The following ZNF207 variants were observed in gnomAD, a reference collection of about 807,000 sequenced individuals.
ZNF207 encodes BUB3-interacting and GLEBS motif-containing protein ZNF207.
A neutral mutation model predicts 60.2 loss-of-function variants in ZNF207; 24 were observed. The observed-to-expected ratio is 0.40, with a 90% CI of 0.29 to 0.56. The LOEUF (loss-of-function observed/expected upper bound fraction) is 0.56. Ranked by LOEUF, ZNF207 falls within the 20% of genes least tolerant of loss-of-function variation. The probability of loss-of-function intolerance (pLI) is 0.49; values close to 1 mark genes in which losing one functional copy is unlikely to be tolerated. For missense variants in ZNF207, 452 were observed against 636.6 expected, an observed-to-expected ratio of 0.71 and a Z score of 3.12; for synonymous variants, 236 against 194.7, an observed-to-expected ratio of 1.21 and a Z score of -1.77.
At chr17:32,351,124 T>C (rs977652525) in intron 1 of ZNF207, 2 of 161,180 alleles carry the variant, frequency 1.2e-5, no homozygotes, top group Non-Finnish European at 2.7e-5. Context: ...GTTTTAAAAA[T>C]AGCTTAAATA....
At chr17:32,367,239 TTATA>T (rs10525886) in intron 9 of ZNF207, among the ~76,000 whole-genome samples, 528 of 32,084 alleles carry the variant, frequency 0.016, 4 homozygotes, top group East Asian at 0.039. Flanking sequence ...TTGGAGGGGA[TTATA>T]TATATATATA....
chr17:32,380,541 T>G lies in ZNF207; in HGVS notation c.*10782T>G, dbSNP rs1185138036. ...TGATGGCTTTCAGTTTATTTAAGTC[T>G]TCTGTTTTTCAGCTCCAGTTAAAAC... is the stretch of plus-strand genomic sequence containing the variant. On this transcript the variant is annotated 3_prime_UTR_variant, in exon 12 of 12. Coordinates refer to ENST00000394670, the MANE Select transcript of ZNF207 (RefSeq NM_001098507.2). The G allele has an allele frequency of 1.3e-5, 2 of 152,238 alleles. No homozygotes were observed. The highest frequency in any genetic ancestry group is 2.9e-5 in the Non-Finnish European group (2 of 68,040). 9.4% of individuals were successfully genotyped at this position (152,238 alleles called of 1,614,324 possible).
chr17:32,366,521 TGCCTGCCTTTTAAAA>T, intron 8 of ZNF207, 129 bp from the exon 9 acceptor site: 2 of 516,810 alleles, frequency 3.9e-6, no homozygotes. Context: ...ATGCATTAAC[TGCCTGCCTTTTAAAA>T]TAAGTGACAT....
At chr17:32,360,524 T>C (rs1904809852) in intron 3 of ZNF207, 74 bp from the exon 4 acceptor site, 3 of 1,390,324 alleles carry the variant, frequency 2.2e-6, no homozygotes, top group Admixed American at 2.5e-5. Context: ...CATATATGTA[T>C]TTTTAAATAT....
Position 32,369,752 on chromosome 17 carries a change from G to A in ZNF207, c.1478G>A (p.Arg493His), listed in dbSNP as rs755840760. 1.0e-5 allele frequency: 16 copies of A among 1,530,346 alleles called. No individual in the cohort carries two copies. The highest frequency in any genetic ancestry group is 2.2e-5 in the Admixed American group (1 of 45,922). The allele number at this position is 1,530,346 out of a possible 1,614,324, so 94.8% of individuals were successfully genotyped here. ...MRPPVMSQGG[R>H]Y ...CCTCCTGTAATGTCGCAAGGTGGCC[G>A]TTACTGATCTTACTTCATCCAGTCT... Residue 493 changes from arginine to histidine, a missense_variant, in exon 12 of 12, where the codon CGT (arginine) becomes CAT (histidine). Physicochemically the swap from Arg to His is conservative, Grantham distance 29. Transcript: ENST00000394670.
intron 1 of ZNF207, chr17:32,351,327 T>A: frequency 2.0e-6 from 1 of 499,694 alleles, no homozygotes; most frequent in African/African-American, 2.1e-5. Context: ...GTGATTATTG[T>A]TCACCATATA....
rs1905552858 is a variant in ZNF207, at chr17:32,373,432, G to T, written c.*3673G>T. On this transcript the variant is annotated 3_prime_UTR_variant, in exon 12 of 12. Coordinates refer to ENST00000394670, the MANE Select transcript of ZNF207 (RefSeq NM_001098507.2). ...TAGGACAGGCTGAGGCTGAGTCTCA[G>T]TGTTGCCCTGTTCAGTCTGAGGCAA... The T allele has an allele frequency of 2.9e-6, 2 of 682,506 alleles. No individual in the cohort carries two copies. The highest frequency in any genetic ancestry group is 2.1e-5 in the Admixed American group (1 of 48,176). The allele number at this position is 682,506 out of a possible 1,614,324, so 42.3% of individuals were successfully genotyped here.
rs1418564283 is a variant in ZNF207, at chr17:32,376,607, A to G, written c.*6848A>G. On this transcript the variant is annotated 3_prime_UTR_variant, in exon 12 of 12. Transcript: ENST00000394670. ...GAGGCAGAAATTTGTAGCCCAAACA[A>G]GGTAGGTCTTCGCTGAAACTAATTT... is the stretch of plus-strand genomic sequence containing the variant. 6.6e-6 allele frequency: 1 copy of G among 152,050 alleles called. No homozygotes were observed. Among genetic ancestry groups the G allele is most frequent in the Non-Finnish European group, 1.5e-5 (1 of 67,898 alleles). The allele number at this position is 152,050 out of a possible 1,614,324, so 9.4% of individuals were successfully genotyped here.
At chr17:32,350,499 G>A (rs1014398135) in intron 1 of ZNF207, 173 bp downstream of exon 1, 2 of 778,036 alleles carry the variant, frequency 2.6e-6, no homozygotes, top group Non-Finnish European at 4.2e-6. Context: ...ATGGGGTTCC[G>A]AGGTCGACAG....
rs964858490 is a variant in ZNF207 at position 32,369,939 on chromosome 17, C to T, written c.*180C>T. 9 of 707,518 alleles carry T rather than the reference C, an allele frequency of 1.3e-5. No homozygotes were observed. Among genetic ancestry groups the T allele is most frequent in the Non-Finnish European group, 1.6e-5 (8 of 507,852 alleles). 43.8% of individuals were successfully genotyped at this position (707,518 alleles called of 1,614,324 possible). On this transcript the variant is annotated 3_prime_UTR_variant, in exon 12 of 12. Transcript: ENST00000394670. ...GGAAAAATTATTTGGAATAATAAAG[C>T]AGGAACTTTTCCTGAAGTTGCAATT...
At chr17:32,354,187 A>G (rs1904364210) in intron 2 of ZNF207, among the ~76,000 whole-genome samples, 1 of 152,142 alleles carries the variant, frequency 6.6e-6, no homozygotes, top group Admixed American at 6.6e-5. Flanking sequence ...ACTATGTTGC[A>G]CAGGCTGGTC....
In ZNF207 at chr17:32,379,952, G is replaced by C. The variant is rs537129785; in HGVS notation, c.*10193G>C. On this transcript the variant is annotated 3_prime_UTR_variant, in exon 12 of 12. Coordinates refer to ENST00000394670, the MANE Select transcript of ZNF207 (RefSeq NM_001098507.2). ...TATGCTAAGAATGTTTTTACATTCT[G>C]TTTCCTCCTGTGATCTTTCTGAACC... 3 of 152,100 alleles carry C rather than the reference G, an allele frequency of 2.0e-5. No individual in the cohort carries two copies. The highest frequency in any genetic ancestry group is 4.4e-5 in the Non-Finnish European group (3 of 67,976). 9.4% of individuals were successfully genotyped at this position (152,100 alleles called of 1,614,324 possible). A position where few individuals can be genotyped will look rare whatever the true frequency, so the allele number is the denominator to read the frequency against.
intron 2 of ZNF207, among the ~76,000 whole-genome samples, 189 bp from the exon 3 acceptor site, chr17:32,358,314 G>C (rs1200964208): frequency 1.3e-5 from 2 of 152,162 alleles, no homozygotes; most frequent in African/African-American, 4.8e-5. Flanking sequence ...CTATTATATA[G>C]GTGAAGTAAA....
intron 2 of ZNF207, among the ~76,000 whole-genome samples, chr17:32,355,812 T>A (rs898398775): frequency 6.6e-6 from 1 of 152,214 alleles, no homozygotes; most frequent in Non-Finnish European, 1.5e-5. Context: ...GTTATTTAAC[T>A]GAGTCAAATG....
chr17:32,367,931 G>C lies in ZNF207; in HGVS notation c.1081G>C (p.Ala361Pro). ...AAATAGTACTGCAGCTAAACCAGCG[G>C]CTTCAATAACAAGTAAGCCTGCTAC... is the stretch of plus-strand genomic sequence containing the variant. ...TTNSTAAKPA[A>P]SITSKPATLT... The change falls in exon 10 of 12, where the codon GCT (alanine) becomes CCT (proline). Residue 361 changes from alanine (A) to proline (P), a missense_variant. Coordinates refer to ENST00000394670, the MANE Select transcript of ZNF207 (RefSeq NM_001098507.2). 3.1e-6 allele frequency: 5 copies of C among 1,614,126 alleles called. No homozygotes were observed. The highest frequency in any genetic ancestry group is 4.2e-6 in the Non-Finnish European group (5 of 1,180,020).
intron 6 of ZNF207, 137 bp downstream of exon 6, chr17:32,361,652 C>A (rs1371328737): frequency 1.7e-5 from 11 of 662,126 alleles, no homozygotes; most frequent in Non-Finnish European, 2.6e-5. Context: ...AGCTAATTAA[C>A]ACAGGTCTCT....
chr17:32,364,778 G>A (rs1905085891), intron 7 of ZNF207, among the ~76,000 whole-genome samples: 1 of 152,170 alleles, frequency 6.6e-6, no homozygotes, highest in Admixed American at 6.5e-5. Flanking sequence ...ATAATTGCCA[G>A]GCAGTTCCAT....
intron 10 of ZNF207, 147 bp from the exon 11 acceptor site, chr17:32,369,148 G>A: frequency 1.3e-6 from 1 of 776,536 alleles, no homozygotes; most frequent in Non-Finnish European, 2.0e-6. Flanking sequence ...TAGTTGGATT[G>A]GTTTGTCTGG....
chr17:32,364,440 A>T (rs1213588653), intron 7 of ZNF207, among the ~76,000 whole-genome samples: 1 of 149,490 alleles, frequency 6.7e-6, no homozygotes, highest in East Asian at 2.0e-4. Flanking sequence ...TCACCACAAC[A>T]TCCGCCTCCT....
Sources: allele counts gnomAD v4.1 joint callset (sites outside exome capture counted in the v4.1 genomes callset), GRCh38; gene constraint gnomAD v4.1.1; transcripts MANE v1.5; gene names NCBI Gene and HGNC (gene_info 2026-07-23, HGNC 2026-07-21).